Variants in LIMCH1 observed in about 807,000 individuals in gnomAD.
LIMCH1 encodes LIM and calponin homology domains 1, also known as LIM and calponin homology domains-containing protein 1.
A neutral mutation model predicts 176.5 loss-of-function variants in LIMCH1; 113 were observed. The observed-to-expected ratio is 0.64, with a 90% confidence interval of 0.55 to 0.75. The LOEUF is 0.75. LIMCH1 is among the 30% of genes least tolerant of loss of function. The pLI is 0.00. For synonymous variants in LIMCH1, 619 were observed against 645.9 expected, an observed-to-expected ratio of 0.96 and a Z score of 0.63; for missense variants, 1,674 against 1,814.9, an observed-to-expected ratio of 0.92 and a Z score of 1.41.
At chr4:41,390,265 A>AGAGAGAGAGC (rs1303174569) in intron 1 of LIMCH1, among the ~76,000 whole-genome samples, 1 of 151,274 alleles carries the variant, frequency 6.6e-6, no homozygotes, top group Admixed American at 6.6e-5. Context: ...AGAGAGAGAG[A>AGAGAGAGAGC]GAGAGAGAGC....
chr4:41,546,524 A>G (rs545630779), intron 1 of LIMCH1, among the ~76,000 whole-genome samples: 2 of 151,852 alleles, frequency 1.3e-5, no homozygotes, highest in South Asian at 2.1e-4. Flanking sequence ...AATGAAATCA[A>G]TGTGGTTTTT....
chr4:41,549,505 T>A (rs2080082158), intron 1 of LIMCH1, among the ~76,000 whole-genome samples: 1 of 152,154 alleles, frequency 6.6e-6, no homozygotes. Context: ...AGGACTTCAT[T>A]TTTTTCTTTT....
intron 1 of LIMCH1, among the ~76,000 whole-genome samples, chr4:41,400,006 A>ATTT (rs756644848): frequency 1.5e-5 from 2 of 131,330 alleles, no homozygotes; most frequent in African/African-American, 5.6e-5. Context: ...TTTCATTTCC[A>ATTT]TTTTTTTTTT....
At chr4:41,390,239 G>GGAGAGAGAGAGAGAGA (rs34011822) in intron 1 of LIMCH1, among the ~76,000 whole-genome samples, 2 of 138,430 alleles carry the variant, frequency 1.4e-5, no homozygotes, top group African/African-American at 2.6e-5. Flanking sequence ...TCTCTCTCAG[G>GGAGAGAGAGAGAGAGA]GAGAGAGAGA....
At chr4:41,564,512 C>G (rs1166953794) in intron 1 of LIMCH1, among the ~76,000 whole-genome samples, 2 of 152,132 alleles carry the variant, frequency 1.3e-5, no homozygotes, top group African/African-American at 4.8e-5. Flanking sequence ...ATGATTAATG[C>G]AGCATACATT....
At chr4:41,469,937 C>T (rs980525795) in intron 1 of LIMCH1, among the ~76,000 whole-genome samples, 2 of 152,114 alleles carry the variant, frequency 1.3e-5, no homozygotes, top group African/African-American at 4.8e-5. Context: ...GCCTCTGCCT[C>T]CCAAGGTGCT....
At chr4:41,680,897 C>G in intron 24 of LIMCH1, 58 bp from the exon 25 acceptor site, 1 of 970,014 alleles carries the variant, frequency 1.0e-6, no homozygotes, top group Non-Finnish European at 1.6e-6. Context: ...ACATTTTTGT[C>G]TTGACAAATA....
At chr4:41,426,257 G>A (rs1254876925) in intron 1 of LIMCH1, among the ~76,000 whole-genome samples, 1 of 151,912 alleles carries the variant, frequency 6.6e-6, no homozygotes, top group East Asian at 1.9e-4. Context: ...TCCTGACCTC[G>A]TGATCCGCCC....
At chr4:41,456,858 C>T (rs781191418) in intron 1 of LIMCH1, among the ~76,000 whole-genome samples, 2 of 152,132 alleles carry the variant, frequency 1.3e-5, no homozygotes, top group Non-Finnish European at 2.9e-5. Context: ...TCAGCTGAGA[C>T]TTTAGCGAGA....
upstream of LIMCH1, among the ~76,000 whole-genome samples, chr4:41,537,107 G>A (rs1300163474): frequency 2.0e-5 from 3 of 152,130 alleles, no homozygotes; most frequent in African/African-American, 7.2e-5. Context: ...TATGAAATAG[G>A]TAAGGAAATA....
At position 41,380,871 on chromosome 4, in the gene LIMCH1, T is replaced by C. The variant is rs148962609; in HGVS notation, c.96+19935T>C. Among the ~76,000 whole-genome samples, 318 of 152,300 alleles carry C rather than the reference T, an allele frequency of 2.1e-3. 1 individual carries two copies. The highest frequency in any genetic ancestry group is 7.4e-3 in the African/African-American group (308 of 41,550). On this transcript the variant is annotated intron_variant, in intron 1 of 26. Transcript: ENST00000313860. The stretch of plus-strand genomic sequence containing the variant: ...ATGATGGAATAAAATAATCAGTATT[T>C]TATGGCATACTATAAAGAGTAGTAG...
intron 1 of LIMCH1, among the ~76,000 whole-genome samples, chr4:41,560,441 A>G (rs1234978910): frequency 1.3e-5 from 2 of 152,212 alleles, no homozygotes; most frequent in African/African-American, 4.8e-5. Flanking sequence ...AGTGGAAAGC[A>G]GCACTCTGTT....
chr4:41,362,600 C>T (rs1303943966), intron 1 of LIMCH1, among the ~76,000 whole-genome samples: 1 of 152,180 alleles, frequency 6.6e-6, no homozygotes, highest in Non-Finnish European at 1.5e-5. Flanking sequence ...ATTTCCTTAA[C>T]TGTATCATTG....
chr4:41,546,560 C>CT (rs1461617254), intron 1 of LIMCH1, among the ~76,000 whole-genome samples: 5 of 150,650 alleles, frequency 3.3e-5, no homozygotes, highest in Admixed American at 3.3e-4. Flanking sequence ...CTTTTTTATT[C>CT]TTTTTTAGCC....
At chr4:41,565,065 T>C (rs755433456) in intron 1 of LIMCH1, among the ~76,000 whole-genome samples, 51 of 152,146 alleles carry the variant, frequency 3.4e-4, no homozygotes, top group Non-Finnish European at 5.7e-4. Context: ...AACAGACTGA[T>C]ACACCCAATT....
intron 26 of LIMCH1, among the ~76,000 whole-genome samples, chr4:41,682,835 C>T (rs1025951508): frequency 6.6e-6 from 1 of 151,942 alleles, no homozygotes; most frequent in Non-Finnish European, 1.5e-5. Flanking sequence ...TGCCACCACG[C>T]CCAGCTAATT....
chr4:41,603,445 G>C (rs994437420), intron 2 of LIMCH1, among the ~76,000 whole-genome samples: 1 of 152,068 alleles, frequency 6.6e-6, no homozygotes, highest in African/African-American at 2.4e-5. Flanking sequence ...CATATTTTCA[G>C]GTCTGTCTAA....
At chr4:41,440,111 G>T (rs1041807135) in intron 1 of LIMCH1, among the ~76,000 whole-genome samples, 1 of 152,122 alleles carries the variant, frequency 6.6e-6, no homozygotes, top group Non-Finnish European at 1.5e-5. Flanking sequence ...GTAACAAGAA[G>T]ACATTTTAAA....
chr4:41,397,933 C>T (rs1223986402), intron 1 of LIMCH1, among the ~76,000 whole-genome samples: 1 of 151,856 alleles, frequency 6.6e-6, no homozygotes, highest in East Asian at 1.9e-4. Flanking sequence ...AAATAAAGAG[C>T]TGAAAAGACC....
Sources: allele counts gnomAD v4.1 joint callset (sites outside exome capture counted in the v4.1 genomes callset), GRCh38; gene constraint gnomAD v4.1.1; transcripts MANE v1.5; gene names NCBI Gene and HGNC (gene_info 2026-07-23, HGNC 2026-07-21).